Variants in LHFPL3 observed in about 807,000 individuals in gnomAD.
The protein encoded by LHFPL3 is LHFPL tetraspan subfamily member 3 protein.
Under a neutral mutation model 19.3 loss-of-function variants are expected in LHFPL3, and 5 were observed. The ratio of observed to expected loss-of-function variants is 0.26; its 90% CI spans 0.14 to 0.54. The LOEUF (loss-of-function observed/expected upper bound fraction) is 0.54, where lower values mean the gene tolerates loss of function less well. Ranked by LOEUF, LHFPL3 falls within the 20% of genes least tolerant of loss-of-function variation. The pLI is 0.94. For synonymous variants in LHFPL3, 133 were observed against 126.2 expected, an observed-to-expected ratio of 1.05 and a Z score of -0.36; for missense variants, 249 against 307.4, an observed-to-expected ratio of 0.81 and a Z score of 1.42.
chr7:104,495,681 C>G (rs894272877), intron 1 of LHFPL3, among the ~76,000 whole-genome samples: 4 of 152,116 alleles, frequency 2.6e-5, no homozygotes, highest in Non-Finnish European at 5.9e-5. Context: ...ACGCGCCTGG[C>G]CTAAAAATTT....
At chr7:104,524,813 C>T (rs1794153661) in intron 1 of LHFPL3, among the ~76,000 whole-genome samples, 1 of 152,158 alleles carries the variant, frequency 6.6e-6, no homozygotes, top group South Asian at 2.1e-4. Flanking sequence ...TACATCTCCC[C>T]TGTTAATCTC....
rs368898017 is a variant in LHFPL3 at position 104,734,719 on chromosome 7, G to A, written c.446-1956G>A. ...ATCTGAAGCCTTCTTCTCTCAACTCGTCAAAGTCATTCTCCATCCAGCTTT... is the reference window on the plus strand; with the variant it reads ...ATCTGAAGCCTTCTTCTCTCAACTCATCAAAGTCATTCTCCATCCAGCTTT... On this transcript the variant is annotated intron_variant, in intron 1 of 2. Coordinates refer to ENST00000424859, the MANE Select transcript of LHFPL3 (RefSeq NM_199000.3). Among the ~76,000 whole-genome samples the A allele has an allele frequency of 1.2e-4, 18 of 152,300 alleles. No individual in the cohort carries two copies. In the East Asian group the frequency reaches 1.7e-3, roughly 15 times the overall value.
At chr7:104,732,855 G>T (rs1793731108) in intron 1 of LHFPL3, among the ~76,000 whole-genome samples, 1 of 151,990 alleles carries the variant, frequency 6.6e-6, no homozygotes, top group African/African-American at 2.4e-5. Flanking sequence ...TTCTCTTGTG[G>T]GCATTTAGTG....
Position 104,329,133 on chromosome 7 carries a change from C to A in LHFPL3, c.354C>A (p.Leu118=), listed in dbSNP as rs770327564. The A allele has an allele frequency of 4.3e-6, 7 of 1,613,968 alleles. No homozygotes were observed. Among genetic ancestry groups the A allele is most frequent in the Admixed American group, 1.7e-5 (1 of 60,018 alleles). Residue 118 remains leucine (L), a synonymous_variant, in exon 1 of 3, where the codon CTC becomes CTA. Transcript: ENST00000424859. ...TCTTTATCGGCCTCTCCATGATGCT[C>A]ATCATTGCCTGCATCATTTGCTTTA... ...ASFFIGLSMM[L]IIACIICFTL... is the part of the protein sequence containing the mutation.
intron 1 of LHFPL3, among the ~76,000 whole-genome samples, chr7:104,527,698 A>G (rs529686603): frequency 7.9e-5 from 12 of 152,184 alleles, no homozygotes; most frequent in African/African-American, 2.6e-4. Context: ...AAGGAGGGGG[A>G]GGAAGCCCAG....
chr7:104,836,251 A>G, intron 2 of LHFPL3, among the ~76,000 whole-genome samples: 1 of 152,148 alleles, frequency 6.6e-6, no homozygotes, highest in South Asian at 2.1e-4. Flanking sequence ...GGTAGACAAG[A>G]GCCCAATCCT....
intron 1 of LHFPL3, among the ~76,000 whole-genome samples, chr7:104,404,072 C>T (rs2116498980): frequency 6.6e-6 from 1 of 152,266 alleles, no homozygotes; most frequent in Admixed American, 6.5e-5. Context: ...TTTCAGAGAT[C>T]ATATGTCCCA....
intron 2 of LHFPL3, among the ~76,000 whole-genome samples, chr7:104,768,394 A>G (rs1369225076): frequency 6.6e-6 from 1 of 152,022 alleles, no homozygotes; most frequent in Admixed American, 6.6e-5. Context: ...AGGGAGTGCA[A>G]TCACCCTTGG....
chr7:104,893,889 T>C (rs1584602476), intron 2 of LHFPL3, among the ~76,000 whole-genome samples: 2 of 151,526 alleles, frequency 1.3e-5, no homozygotes, highest in South Asian at 4.2e-4. Flanking sequence ...GAGGCGGAGG[T>C]TGCAGTGAGC....
At chr7:104,451,215 G>A (rs1370451262) in intron 1 of LHFPL3, among the ~76,000 whole-genome samples, 1 of 152,170 alleles carries the variant, frequency 6.6e-6, no homozygotes, top group Admixed American at 6.6e-5. Context: ...ATCTGAAAGG[G>A]TGTTGAAAGA....
intron 1 of LHFPL3, among the ~76,000 whole-genome samples, chr7:104,346,052 T>C (rs190290287): frequency 1.4e-3 from 214 of 151,912 alleles, no homozygotes; most frequent in Middle Eastern, 0.01. Context: ...TTTTTTTTTT[T>C]TTTCTTAGAG....
At chr7:104,384,233 A>T (rs1472679333) in intron 1 of LHFPL3, among the ~76,000 whole-genome samples, 1 of 152,188 alleles carries the variant, frequency 6.6e-6, no homozygotes, top group Non-Finnish European at 1.5e-5. Context: ...TTGAGAGATT[A>T]AATAAAAGGT....
intron 2 of LHFPL3, among the ~76,000 whole-genome samples, chr7:104,897,122 A>G (rs1792379652): frequency 6.6e-6 from 1 of 151,956 alleles, no homozygotes; most frequent in African/African-American, 2.4e-5. Context: ...AGAACAATCT[A>G]TTTATTTCTG....
At chr7:104,869,656 G>C (rs1255253325) in intron 2 of LHFPL3, among the ~76,000 whole-genome samples, 1 of 152,130 alleles carries the variant, frequency 6.6e-6, no homozygotes, top group Non-Finnish European at 1.5e-5. Context: ...CTGTAAACTA[G>C]TTCAACCACT....
At chr7:104,683,113 C>T (rs920566019) in intron 1 of LHFPL3, among the ~76,000 whole-genome samples, 1 of 152,206 alleles carries the variant, frequency 6.6e-6, no homozygotes, top group Non-Finnish European at 1.5e-5. Context: ...CCTCAGCCTC[C>T]GGAGTAGCTG....
In LHFPL3 at chr7:104,532,445, G is replaced by A. The variant is rs145357853; in HGVS notation, c.445+203221G>A. Among the ~76,000 whole-genome samples, 1,326 of 151,248 alleles carry A rather than the reference G, an allele frequency of 8.8e-3. 18 individuals are homozygous for A. The highest frequency in any genetic ancestry group is 0.03 in the African/African-American group (1,246 of 41,222). ...CAAAGTGTTGGGGTTATAGGCATGA[G>A]CCACTGTGCCCTGCTAATAATCTGT... is the stretch of plus-strand genomic sequence containing the variant. On this transcript the variant is annotated intron_variant, in intron 1 of 2. Transcript: ENST00000424859.
chr7:104,788,851 T>G (rs575251844), intron 2 of LHFPL3, among the ~76,000 whole-genome samples: 9 of 152,302 alleles, frequency 5.9e-5, no homozygotes, highest in African/African-American at 2.2e-4. Flanking sequence ...TCAACAAGAC[T>G]GCATTTAAAC....
At chr7:104,599,232 G>A (rs1158595513) in intron 1 of LHFPL3, among the ~76,000 whole-genome samples, 1 of 152,116 alleles carries the variant, frequency 6.6e-6, no homozygotes, top group Non-Finnish European at 1.5e-5. Context: ...ATTTCTACTA[G>A]TTTATATGAT....
At position 104,840,401 on chromosome 7, in the gene LHFPL3, G is replaced by A. The variant is rs1791178181; in HGVS notation, c.683-65786G>A. 3.5e-5 allele frequency among the ~76,000 whole-genome samples: 5 copies of A among 142,126 alleles called. No individual in the cohort carries two copies. The South Asian group carries it at 1.2e-3, about 33-fold the overall frequency. 93.2% of individuals were successfully genotyped at this position (142,126 alleles called of 152,430 possible). On this transcript the variant is annotated intron_variant, in intron 2 of 2. Coordinates refer to ENST00000424859, the MANE Select transcript of LHFPL3 (RefSeq NM_199000.3). ...CACAATCGCGACTATTACACCCTCA[G>A]GTTCAAGCCTCAGCCTCAGCCTCCG... is the stretch of plus-strand genomic sequence containing the variant.
Sources: allele counts gnomAD v4.1 joint callset (sites outside exome capture counted in the v4.1 genomes callset), GRCh38; gene constraint gnomAD v4.1.1; transcripts MANE v1.5; gene names NCBI Gene and HGNC (gene_info 2026-07-23, HGNC 2026-07-21).